Variants in GFRA1 observed in about 807,000 individuals in gnomAD.
The protein encoded by GFRA1 is GDNF family receptor alpha-1.
A neutral mutation model predicts 51.6 loss-of-function variants in GFRA1; 16 were observed. The ratio of observed to expected loss-of-function variants is 0.31; its 90% CI spans 0.21 to 0.47. GFRA1 has a LOEUF of 0.47. GFRA1 is among the 20% of genes least tolerant of loss of function. GFRA1 has a pLI of 1.00. For missense variants in GFRA1, 530 were observed against 594.3 expected, an observed-to-expected ratio of 0.89 and a Z score of 1.13; for synonymous variants, 270 against 241.3, an observed-to-expected ratio of 1.12 and a Z score of -1.10.
chr10:116,209,698 T>A (rs1965043280), intron 5 of GFRA1, among the ~76,000 whole-genome samples: 2 of 152,082 alleles, frequency 1.3e-5, no homozygotes, highest in African/African-American at 4.8e-5. Context: ...GAAGACCTTG[T>A]GGAGATCACG....
chr10:116,157,992 G>C (rs1339664251), intron 5 of GFRA1, among the ~76,000 whole-genome samples: 1 of 152,138 alleles, frequency 6.6e-6, no homozygotes. Flanking sequence ...CTTTAAGCCT[G>C]GTGGGTCAGA....
intron 5 of GFRA1, among the ~76,000 whole-genome samples, chr10:116,131,841 T>A (rs1833524693): frequency 6.6e-6 from 1 of 151,016 alleles, no homozygotes; most frequent in South Asian, 2.1e-4. Context: ...GTTGAACAGT[T>A]TGGGCCAAAA....
At chr10:116,213,800 C>T (rs1406367221) in intron 4 of GFRA1, among the ~76,000 whole-genome samples, 1 of 152,160 alleles carries the variant, frequency 6.6e-6, no homozygotes, top group Non-Finnish European at 1.5e-5. Flanking sequence ...GGGAGTCGTT[C>T]ATACTCCCAA....
rs934452039 is a variant in GFRA1, at chr10:116,057,806, A to G, written c.*6592T>C. The stretch of plus-strand genomic sequence containing the variant: ...CAGAAAAGCACATCAGAAATGCCCA[A>G]TGACAGACCACAGCCAAATATGGCA... On this transcript the variant is annotated 3_prime_UTR_variant, in exon 11 of 11. Transcript: ENST00000355422. 3.3e-5 allele frequency: 5 copies of G among 151,762 alleles called. No individual in the cohort carries two copies. The East Asian group carries it at 9.7e-4, about 30-fold the overall frequency. The allele number at this position is 151,762 out of a possible 1,614,324, so 9.4% of individuals were successfully genotyped here.
intron 4 of GFRA1, among the ~76,000 whole-genome samples, chr10:116,261,871 A>G (rs75671777): frequency 0.015 from 2,341 of 152,326 alleles, 23 homozygotes; most frequent in African/African-American, 0.038. Context: ...CAAAAGGAGC[A>G]GATGACTCTC....
chr10:116,156,158 C>T (rs1031942382), intron 5 of GFRA1, among the ~76,000 whole-genome samples: 24 of 152,166 alleles, frequency 1.6e-4, no homozygotes, highest in South Asian at 6.2e-4. Flanking sequence ...TTTCTGAACT[C>T]TTCTTGGTTA....
rs746466648 is a variant in GFRA1, at chr10:116,093,726, A to T, written c.991T>A (p.Phe331Ile). Residue 331 changes from phenylalanine (F) to isoleucine (I), a missense_variant, in exon 8 of 11, where the codon TTC becomes ATC. Transcript: ENST00000355422. ...DLEECLKFLN[F>I]FKDNTCLKNA... ...CTAAGACATGTATTGTCCTTGAAGAAATTCAAAAATTTCAAGCACTCTTCT... is the reference window on the plus strand; with the variant it reads ...CTAAGACATGTATTGTCCTTGAAGATATTCAAAAATTTCAAGCACTCTTCT... The T allele has an allele frequency of 1.2e-6, 2 of 1,613,964 alleles. No homozygotes were observed. The highest frequency in any genetic ancestry group is 3.3e-5 in the Admixed American group (2 of 60,024).
intron 5 of GFRA1, among the ~76,000 whole-genome samples, chr10:116,128,364 C>T (rs763584789): frequency 3.3e-5 from 5 of 152,064 alleles, no homozygotes; most frequent in Non-Finnish European, 5.9e-5. Context: ...AAAGTCAACA[C>T]GTAACATCTA....
At chr10:116,073,667 T>A (rs1441757163) in intron 9 of GFRA1, among the ~76,000 whole-genome samples, 4 of 152,154 alleles carry the variant, frequency 2.6e-5, no homozygotes, top group Non-Finnish European at 5.9e-5. Flanking sequence ...GGAATGCAAA[T>A]GTGCAAGAGC....
At chr10:116,246,237 C>G (rs1017230354) in intron 4 of GFRA1, among the ~76,000 whole-genome samples, 5 of 152,146 alleles carry the variant, frequency 3.3e-5, no homozygotes, top group Admixed American at 6.5e-5. Flanking sequence ...CGAGACCAGC[C>G]TGGCCAACAC....
At chr10:116,152,324 T>A (rs1959095713) in intron 5 of GFRA1, among the ~76,000 whole-genome samples, 1 of 152,180 alleles carries the variant, frequency 6.6e-6, no homozygotes, top group Non-Finnish European at 1.5e-5. Context: ...CTTCACAACC[T>A]TTTAGAAACG....
At chr10:116,209,023 G>C (rs1964994575) in intron 5 of GFRA1, among the ~76,000 whole-genome samples, 1 of 152,142 alleles carries the variant, frequency 6.6e-6, no homozygotes, top group Non-Finnish European at 1.5e-5. Context: ...CGTGGCCCTG[G>C]AACTCGTATG....
intron 4 of GFRA1, among the ~76,000 whole-genome samples, chr10:116,231,771 A>G (rs1233583655): frequency 6.6e-6 from 1 of 152,226 alleles, no homozygotes; most frequent in African/African-American, 2.4e-5. Flanking sequence ...TTCTAACTAC[A>G]ATATAAAAGC....
chr10:116,200,946 A>G (rs1416123789), intron 5 of GFRA1, among the ~76,000 whole-genome samples: 1 of 152,204 alleles, frequency 6.6e-6, no homozygotes, highest in African/African-American at 2.4e-5. Context: ...TCAGTTAGTT[A>G]GCAGAAACAA....
At chr10:116,224,922 A>C (rs1966174101) in intron 4 of GFRA1, among the ~76,000 whole-genome samples, 1 of 152,206 alleles carries the variant, frequency 6.6e-6, no homozygotes, top group Non-Finnish European at 1.5e-5. Flanking sequence ...TCAATCTCAC[A>C]AATGCACCCA....
intron 6 of GFRA1, among the ~76,000 whole-genome samples, chr10:116,108,434 ATT>A (rs1274521161): frequency 6.6e-6 from 1 of 152,170 alleles, no homozygotes; most frequent in Non-Finnish European, 1.5e-5. Flanking sequence ...CGTAACTCCT[ATT>A]AGCAACCCAT....
intron 4 of GFRA1, among the ~76,000 whole-genome samples, chr10:116,246,651 G>C (rs1216275215): frequency 6.6e-6 from 1 of 152,132 alleles, no homozygotes; most frequent in African/African-American, 2.4e-5. Context: ...CAACACGGAG[G>C]CATAAGCAAA....
intron 9 of GFRA1, among the ~76,000 whole-genome samples, chr10:116,081,006 A>AC (rs1203564202): frequency 6.6e-6 from 1 of 151,990 alleles, no homozygotes; most frequent in African/African-American, 2.4e-5. Context: ...TCCATTGGAA[A>AC]CCCCCCCAGA....
chr10:116,200,964 C>T (rs547908971), intron 5 of GFRA1, among the ~76,000 whole-genome samples: 24 of 152,298 alleles, frequency 1.6e-4, no homozygotes, highest in African/African-American at 5.3e-4. Flanking sequence ...CAACCATTAT[C>T]TTCTGCCACC....
Sources: allele counts gnomAD v4.1 joint callset (sites outside exome capture counted in the v4.1 genomes callset), GRCh38; gene constraint gnomAD v4.1.1; transcripts MANE v1.5; gene names NCBI Gene and HGNC (gene_info 2026-07-23, HGNC 2026-07-21).